DGKH: variants seen among roughly 807,000 people sequenced by gnomAD.
DGKH encodes DAG kinase eta.
In DGKH, 90 loss-of-function variants were observed where a neutral mutation model predicts 159.3. That is an observed-to-expected ratio of 0.57 (90% CI 0.48 to 0.67). The LOEUF is 0.67. DGKH is among the 30% of genes least tolerant of loss of function. DGKH has a pLI of 0.00. For synonymous variants in DGKH, 536 were observed against 553.8 expected (o/e 0.97, Z 0.45); for missense variants, 1,181 against 1,506.1 (o/e 0.78, Z 3.57).
intron 30 of DGKH, among the ~76,000 whole-genome samples, chr13:42,253,296 G>C (rs1958633470): frequency 6.6e-6 from 1 of 152,078 alleles, no homozygotes; most frequent in Non-Finnish European, 1.5e-5. Flanking sequence ...AGAGGATTCA[G>C]AGAGCTCCCT....
intron 1 of DGKH, among the ~76,000 whole-genome samples, chr13:42,098,932 G>C (rs1361013674): frequency 6.6e-6 from 1 of 152,172 alleles, no homozygotes; most frequent in South Asian, 2.1e-4. Flanking sequence ...GAGTTTTCTT[G>C]TTGGAAAAAT....
intron 1 of DGKH, among the ~76,000 whole-genome samples, chr13:42,087,466 AG>A (rs1248910031): frequency 2.0e-5 from 3 of 152,202 alleles, no homozygotes; most frequent in Non-Finnish European, 4.4e-5. Flanking sequence ...CCAATAGAAA[AG>A]GGGTTAGAAA....
intron 1 of DGKH, among the ~76,000 whole-genome samples, chr13:42,124,056 A>AT (rs1157210877): frequency 6.6e-6 from 1 of 151,966 alleles, no homozygotes; most frequent in Non-Finnish European, 1.5e-5. Context: ...AAAGTTGTAA[A>AT]TTTTTTTTCC....
At chr13:42,140,897 A>C (rs1016428850) in intron 3 of DGKH, 3 of 151,694 alleles carry the variant, frequency 2.0e-5, no homozygotes, top group African/African-American at 7.3e-5. Context: ...TGGCAGTAAA[A>C]AAATTTTATA....
chr13:42,062,464 C>G (rs541972173), intron 1 of DGKH, among the ~76,000 whole-genome samples: 190 of 152,194 alleles, frequency 1.2e-3, no homozygotes, highest in Non-Finnish European at 2.4e-3. Flanking sequence ...TAAATTTGAT[C>G]CCGGGTAGCC....
chr13:42,094,446 T>C (rs545614646), intron 1 of DGKH, among the ~76,000 whole-genome samples: 32 of 152,274 alleles, frequency 2.1e-4, no homozygotes, highest in Admixed American at 9.8e-4. Context: ...GGGGGAAATA[T>C]TAGAATTTAG....
chr13:42,040,168 A>G (rs1406851597), intron 1 of DGKH: 3 of 152,306 alleles, frequency 2.0e-5, no homozygotes, highest in Non-Finnish European at 2.9e-5. Context: ...CAGCACCCCC[A>G]GGAGGGGAGG....
intron 30 of DGKH, chr13:42,255,994 T>C: frequency 6.3e-7 from 1 of 1,595,554 alleles, no homozygotes; most frequent in Non-Finnish European, 8.6e-7. Flanking sequence ...TGAACACTAC[T>C]GCCTGTAGTC....
intron 1 of DGKH, among the ~76,000 whole-genome samples, chr13:42,071,546 C>T (rs1429963994): frequency 6.6e-6 from 1 of 152,238 alleles, no homozygotes; most frequent in East Asian, 1.9e-4. Context: ...TGAGCAGCAT[C>T]GTTCTAAGGT....
intron 1 of DGKH, among the ~76,000 whole-genome samples, chr13:42,076,727 A>T (rs1476401543): frequency 6.6e-6 from 1 of 152,200 alleles, no homozygotes; most frequent in Non-Finnish European, 1.5e-5. Context: ...AAGAATATAT[A>T]AGCAACAGAA....
chr13:42,164,006 T>G (rs1252552697), intron 7 of DGKH, among the ~76,000 whole-genome samples: 3 of 152,216 alleles, frequency 2.0e-5, no homozygotes, highest in Non-Finnish European at 2.9e-5. Context: ...GTCTAAAGTT[T>G]AAGTCTTTAA....
At chr13:42,148,774 G>C (rs1043040062) in intron 3 of DGKH, among the ~76,000 whole-genome samples, 1 of 151,856 alleles carries the variant, frequency 6.6e-6, no homozygotes, top group African/African-American at 2.4e-5. Context: ...GTCACATCAC[G>C]CTGTTTATAA....
chr13:42,176,216 T>C (rs1956599971), intron 12 of DGKH, among the ~76,000 whole-genome samples: 1 of 152,218 alleles, frequency 6.6e-6, no homozygotes, highest in Non-Finnish European at 1.5e-5. Context: ...CAAATGTTAT[T>C]AATTAATACA....
At position 42,049,845 on chromosome 13, in the gene DGKH, A is replaced by G. The variant is rs561409510; in HGVS notation, c.192+880A>G. On this transcript the variant is annotated intron_variant, in intron 1 of 29. Transcript: ENST00000337343. ...CATACCAAAGCAAATGCTTATGGAT[A>G]TTAAAGGATTTTTATGTATTCTAAT... 4.2e-3 allele frequency among the ~76,000 whole-genome samples: 641 copies of G among 152,372 alleles called. 4 individuals are homozygous for G. The highest frequency in any genetic ancestry group is 6.8e-3 in the Middle Eastern group (2 of 294).
At chr13:42,249,428 A>G (rs1340456498) in intron 29 of DGKH, among the ~76,000 whole-genome samples, 1 of 152,096 alleles carries the variant, frequency 6.6e-6, no homozygotes, top group Admixed American at 6.6e-5. Flanking sequence ...ACAAACAAAC[A>G]AACAAAAATA....
chr13:42,184,146 A>G (rs1452475576), intron 13 of DGKH, among the ~76,000 whole-genome samples: 1 of 152,210 alleles, frequency 6.6e-6, no homozygotes, highest in Non-Finnish European at 1.5e-5. Context: ...CTAGAGACAA[A>G]GATAGCTAGA....
chr13:42,225,269 T>C, intron 29 of DGKH: 1 of 1,585,576 alleles, frequency 6.3e-7, no homozygotes, highest in African/African-American at 1.3e-5. Context: ...AACAAACTGA[T>C]TGCATCATTT....
In DGKH at chr13:42,156,708, C is replaced by T. The variant is rs574083499; in HGVS notation, c.622+909C>T. On this transcript the variant is annotated intron_variant, in intron 5 of 29. Coordinates refer to ENST00000337343, the MANE Select transcript of DGKH (RefSeq NM_178009.5). ...CTTTTTTTCTCTAATCCAAAAATTT[C>T]GTAATTTGGAATATCACTTATTTAT... 7.4e-4 allele frequency among the ~76,000 whole-genome samples: 113 copies of T among 152,078 alleles called. 2 individuals carry two copies. Among genetic ancestry groups the T allele is most frequent in the African/African-American group, 2.6e-3 (108 of 41,482 alleles).
chr13:42,115,206 G>T (rs1422793309), intron 1 of DGKH, among the ~76,000 whole-genome samples: 1 of 152,106 alleles, frequency 6.6e-6, no homozygotes, highest in Non-Finnish European at 1.5e-5. Context: ...AAATCGAATT[G>T]TCTTTTTCCA....
Sources: gnomAD v4.1 joint callset for allele counts (sites outside exome capture counted in the v4.1 genomes callset) on GRCh38, gnomAD v4.1.1 for gene constraint, MANE v1.5 for transcripts, NCBI Gene and HGNC (gene_info 2026-07-23, HGNC 2026-07-21) for gene names.